HIF3A: variants seen among roughly 807,000 people sequenced by gnomAD.
The protein encoded by HIF3A is hypoxia inducible factor 3 subunit alpha, also known as hypoxia-inducible factor 3-alpha.
Under a neutral mutation model 67.2 loss-of-function variants are expected in HIF3A, and 41 were observed. The observed-to-expected ratio is 0.61, with a 90% CI of 0.48 to 0.79. The LOEUF is 0.79. HIF3A is among the 30% of genes least tolerant of loss of function. The probability of loss-of-function intolerance (pLI) is 0.00; values close to 1 mark genes in which losing one functional copy is unlikely to be tolerated. For missense variants in HIF3A, 855 were observed against 898.0 expected (o/e 0.95, Z 0.61); for synonymous variants, 356 against 374.8 (o/e 0.95, Z 0.58).
intron 3 of HIF3A, 46 bp from the exon 4 acceptor site, chr19:46,308,175 T>C (rs1443120848): frequency 1.6e-6 from 2 of 1,212,444 alleles, no homozygotes; most frequent in South Asian, 2.4e-5. Flanking sequence ...ATGGAGGAGA[T>C]GGGTCAGAAG....
chr19:46,334,957 C>T lies in HIF3A; in HGVS notation c.1883C>T (p.Thr628Ile). 2 of 1,608,250 alleles carry T rather than the reference C, an allele frequency of 1.2e-6. No individual in the cohort carries two copies. Among genetic ancestry groups the T allele is most frequent in the Non-Finnish European group, 8.5e-7 (1 of 1,177,350 alleles). The change falls in exon 14 of 15, where the codon ACC becomes ATC. Residue 628 changes from threonine (T) to isoleucine (I), a missense_variant. Transcript: ENST00000377670. ...CCAGGGAGCCTGCAGGACCCCAGCACCCCACTCCTGAACCTGAATGAGCCC... is the reference window on the plus strand; with the variant it reads ...CCAGGGAGCCTGCAGGACCCCAGCATCCCACTCCTGAACCTGAATGAGCCC... ...PAPGSLQDPS[T>I]PLLNLNEPLG...
At chr19:46,327,519 G>C (rs996319134) in intron 11 of HIF3A, among the ~76,000 whole-genome samples, 5 of 151,986 alleles carry the variant, frequency 3.3e-5, no homozygotes, top group Admixed American at 2.0e-4. Flanking sequence ...GTTTCACCAG[G>C]CTGGCTCAGA....
In HIF3A at chr19:46,331,252, T is replaced by G. The variant is rs779118973; in HGVS notation, c.1809T>G (p.Phe603Leu). 2 of 1,613,868 alleles carry G rather than the reference T, an allele frequency of 1.2e-6. No homozygotes were observed. The highest frequency in any genetic ancestry group is 2.2e-5 in the South Asian group (2 of 91,078). Residue 603 changes from phenylalanine (F) to leucine (L), a missense_variant, in exon 13 of 15, where the codon TTT becomes TTG. Phe to Leu is a conservative substitution (Grantham distance 22, BLOSUM62 0). Coordinates refer to ENST00000377670, the MANE Select transcript of HIF3A (RefSeq NM_152795.4). Reference sequence around the variant, plus strand: ...CCCCCAGCCCAGAACACGAAAACTTTCTGCTCTTTCCTCTCAGCCTGGTGT... The same window carrying G: ...CCCCCAGCCCAGAACACGAAAACTTGCTGCTCTTTCCTCTCAGCCTGGTGT... ...KRSPSPEHEN[F>L]LLFPLSLSFL...
At chr19:46,300,626 A>C (rs1968239374) in intron 1 of HIF3A, among the ~76,000 whole-genome samples, 1 of 152,198 alleles carries the variant, frequency 6.6e-6, no homozygotes, top group African/African-American at 2.4e-5. Context: ...AAGCCACTGC[A>C]CTCCAGCCTG....
chr19:46,304,191 A>G, intron 2 of HIF3A, 103 bp downstream of exon 2: 1 of 1,038,982 alleles, frequency 9.6e-7, no homozygotes, highest in Admixed American at 2.5e-5. Context: ...ATTCTGACAA[A>G]GCCCCGCCCC....
chr19:46,329,449 A>T lies in HIF3A; in HGVS notation c.1683A>T (p.Ala561=), dbSNP rs1229666391. Residue 561 remains alanine (A), a synonymous_variant, in exon 12 of 15, where the codon GCA becomes GCT. Transcript: ENST00000377670. The part of the protein sequence containing the change: ...CSSPSRGDPS[A]SSPMAGARKR... Reference sequence around the variant, plus strand: ...GCCCTTCCAGAGGGGACCCCTCAGCATCCTCTCCCATGGCTGGGGCTCGGA... The same window carrying T: ...GCCCTTCCAGAGGGGACCCCTCAGCTTCCTCTCCCATGGCTGGGGCTCGGA... The T allele has an allele frequency of 6.5e-7, 1 of 1,542,382 alleles. No individual in the cohort carries two copies. The highest frequency in any genetic ancestry group is 1.2e-5 in the South Asian group (1 of 80,864).
At chr19:46,312,373 T>C (rs1457242850) in intron 7 of HIF3A, 106 bp downstream of exon 7, 1 of 1,595,322 alleles carries the variant, frequency 6.3e-7, no homozygotes, top group Non-Finnish European at 8.5e-7. Context: ...CCTCCCCACC[T>C]CAACACCAGC....
At chr19:46,329,503 TC>T in intron 12 of HIF3A, 25 bp downstream of exon 12, 1 of 1,482,902 alleles carries the variant, frequency 6.7e-7, no homozygotes, top group Non-Finnish European at 9.0e-7. Flanking sequence ...AGGGGGGACA[TC>T]AAGGCAGCAT....
At chr19:46,334,560 AT>A (rs1359161297) in intron 13 of HIF3A, among the ~76,000 whole-genome samples, 1 of 151,760 alleles carries the variant, frequency 6.6e-6, no homozygotes, top group Non-Finnish European at 1.5e-5. Flanking sequence ...TTTTATTTTT[AT>A]TTTTATTAGA....
At chr19:46,332,715 G>T (rs1971322175) in intron 13 of HIF3A, among the ~76,000 whole-genome samples, 1 of 152,106 alleles carries the variant, frequency 6.6e-6, no homozygotes, top group African/African-American at 2.4e-5. Flanking sequence ...CAGACATAAT[G>T]CCTCACGCCT....
rs368564434 is a variant in HIF3A, at chr19:46,320,564, A to G, written c.1144+3A>G. On this transcript the variant is annotated splice_donor_region_variant and intron_variant, in intron 9 of 14. Coordinates refer to ENST00000377670, the MANE Select transcript of HIF3A (RefSeq NM_152795.4). ...CCCTAACCCTGGGGACAGCCTTGGT[A>G]TGGGGCAGGGCTGGGGCCGGGAGGG... 1.9e-6 allele frequency: 3 copies of G among 1,608,426 alleles called. No homozygotes were observed. The highest frequency in any genetic ancestry group is 2.6e-6 in the Non-Finnish European group (3 of 1,175,130).
At chr19:46,298,211 C>CCCCT in intron 1 of HIF3A, 1 of 335,046 alleles carries the variant, frequency 3.0e-6, no homozygotes. Flanking sequence ...TCTAACCGCC[C>CCCCT]CCATCCTCTC....
chr19:46,310,661 C>G, intron 6 of HIF3A: 1 of 455,480 alleles, frequency 2.2e-6, no homozygotes, highest in Non-Finnish European at 4.4e-6. Flanking sequence ...CATAACAGAA[C>G]CTGCCTTGTA....
At chr19:46,320,419 C>G (rs1311404885) in intron 8 of HIF3A, 24 bp from the exon 9 acceptor site, 7 of 1,587,398 alleles carry the variant, frequency 4.4e-6, no homozygotes, top group Non-Finnish European at 6.1e-6. Flanking sequence ...TGACTCCCAC[C>G]TCCCTTTCTG....
At chr19:46,338,418 G>A (rs1017139652) in intron 14 of HIF3A, 1 of 491,768 alleles carries the variant, frequency 2.0e-6, no homozygotes, top group Non-Finnish European at 3.3e-6. Flanking sequence ...GCCCAGGCTG[G>A]TCTTGAACTC....
In HIF3A at chr19:46,308,791, C is replaced by T; in HGVS notation, c.561+16C>T. On this transcript the variant is annotated intron_variant, in intron 5 of 14. Coordinates refer to ENST00000377670, the MANE Select transcript of HIF3A (RefSeq NM_152795.4). ...CACCTGGAAGGTGCGTGGGGCCGGG[C>T]CAGAGGAGGGCGGGGACGCTGGGGC... The T allele has an allele frequency of 4.6e-6, 7 of 1,533,792 alleles. No individual in the cohort carries two copies. Among genetic ancestry groups the T allele is most frequent in the Non-Finnish European group, 6.3e-6 (7 of 1,119,150 alleles).
intron 8 of HIF3A, chr19:46,313,198 C>T: frequency 1.5e-6 from 1 of 685,562 alleles, no homozygotes; most frequent in Non-Finnish European, 1.8e-6. Context: ...CTGCAGTGAG[C>T]CGAGATTGCG....
At chr19:46,323,063 T>A (rs1970498612) in intron 10 of HIF3A, among the ~76,000 whole-genome samples, 1 of 151,332 alleles carries the variant, frequency 6.6e-6, no homozygotes. Flanking sequence ...TGTTGTTTTT[T>A]TTTTGAGACG....
Position 46,325,561 on chromosome 19 carries a change from G to T in HIF3A, c.1362G>T (p.Val454=), listed in dbSNP as rs1259762731. ...CTGATCTCCCAGATGAACTACCTGTGGGCACCGAGAATGTGCACAGACTCT... is the reference window on the plus strand; with the variant it reads ...CTGATCTCCCAGATGAACTACCTGTTGGCACCGAGAATGTGCACAGACTCT... ...LSADLPDELP[V]GTENVHRLFT... Residue 454 remains valine, a synonymous_variant, in exon 11 of 15, where the codon GTG becomes GTT. Transcript: ENST00000377670. 5.0e-6 allele frequency: 8 copies of T among 1,613,148 alleles called. No individual in the cohort carries two copies. The highest frequency in any genetic ancestry group is 2.2e-5 in the East Asian group (1 of 44,888).
Sources: gnomAD v4.1 joint callset for allele counts (sites outside exome capture counted in the v4.1 genomes callset) on GRCh38, gnomAD v4.1.1 for gene constraint, MANE v1.5 for transcripts, NCBI Gene and HGNC (gene_info 2026-07-23, HGNC 2026-07-21) for gene names.